ANO6: variants seen among roughly 807,000 people sequenced by gnomAD.
ANO6 encodes the protein anoctamin 6.
ANO6 carries 106 observed loss-of-function variants against 117.5 expected under a neutral mutation model. The ratio of observed to expected loss-of-function variants is 0.90; its 90% CI spans 0.77 to 1.06. The LOEUF (loss-of-function observed/expected upper bound fraction) is 1.06. ANO6 is among the 50% of genes least tolerant of loss of function. ANO6 has a pLI of 0.00. For synonymous variants in ANO6, 367 were observed against 385.1 expected (o/e 0.95, Z 0.55); for missense variants, 955 against 1,121.1 (o/e 0.85, Z 2.12).
intron 1 of ANO6, among the ~76,000 whole-genome samples, chr12:45,216,810 G>T (rs1269128808): frequency 6.6e-6 from 1 of 152,214 alleles, no homozygotes; most frequent in Non-Finnish European, 1.5e-5. Context: ...GCATTTGGAG[G>T]ACAGGGTGTG....
At chr12:45,264,290 C>CT (rs1214038121) in intron 1 of ANO6, among the ~76,000 whole-genome samples, 1 of 152,212 alleles carries the variant, frequency 6.6e-6, no homozygotes, top group African/African-American at 2.4e-5. Context: ...TATGTCTTGG[C>CT]TAATGCCTGT....
intron 1 of ANO6, among the ~76,000 whole-genome samples, chr12:45,258,633 C>T (rs1357339509): frequency 6.6e-6 from 1 of 152,108 alleles, no homozygotes; most frequent in Non-Finnish European, 1.5e-5. Context: ...GATTCTGCTG[C>T]ATGCCTTGCT....
chr12:45,360,622 C>G (rs908928561), intron 8 of ANO6, among the ~76,000 whole-genome samples: 1 of 152,182 alleles, frequency 6.6e-6, no homozygotes, highest in Admixed American at 6.5e-5. Flanking sequence ...TTGATGATCT[C>G]CAGTTTACCT....
chr12:45,333,205 T>G (rs928935782), intron 3 of ANO6, among the ~76,000 whole-genome samples: 2 of 152,074 alleles, frequency 1.3e-5, no homozygotes, highest in Non-Finnish European at 1.5e-5. Context: ...TCATAAATTT[T>G]AATTCTTGTA....
chr12:45,255,729 G>GT (rs1029534918), intron 1 of ANO6, among the ~76,000 whole-genome samples: 1 of 151,252 alleles, frequency 6.6e-6, no homozygotes, highest in Non-Finnish European at 1.5e-5. Flanking sequence ...GGCAGTGCTT[G>GT]TTAAGAGGGG....
At chr12:45,433,046 A>C (rs552427577), downstream of ANO6, among the ~76,000 whole-genome samples, 36 of 152,350 alleles carry the variant, frequency 2.4e-4, no homozygotes, top group South Asian at 7.3e-3. Flanking sequence ...CAATTGGCCC[A>C]ATATGACCAG....
At chr12:45,294,145 C>T (rs1433012470) in intron 1 of ANO6, among the ~76,000 whole-genome samples, 2 of 151,970 alleles carry the variant, frequency 1.3e-5, no homozygotes, top group East Asian at 3.9e-4. Flanking sequence ...TAGTGACTTA[C>T]CAAAATATTG....
At chr12:45,224,910 G>T (rs1186461774) in intron 1 of ANO6, among the ~76,000 whole-genome samples, 1 of 152,170 alleles carries the variant, frequency 6.6e-6, no homozygotes, top group Admixed American at 6.5e-5. Flanking sequence ...GAAATAAAGG[G>T]CCGGACATGA....
rs74803777 is a variant in ANO6 at position 45,365,038 on chromosome 12, A to G, written c.999-2650A>G. On this transcript the variant is annotated intron_variant, in intron 8 of 19. Coordinates refer to ENST00000320560, the MANE Select transcript of ANO6 (RefSeq NM_001025356.3). ...GTGTGACCACTTAAGTCTGTGTTCAATAAGTTTTGTTGTTAGCTAATGATT... is the reference window on the plus strand; with the variant it reads ...GTGTGACCACTTAAGTCTGTGTTCAGTAAGTTTTGTTGTTAGCTAATGATT... Among the ~76,000 whole-genome samples the G allele has an allele frequency of 9.5e-3, 1,441 of 152,302 alleles. 27 individuals are homozygous for G. The highest frequency in any genetic ancestry group is 0.033 in the African/African-American group (1,353 of 41,558).
At chr12:45,307,057 C>A (rs578248014) in intron 2 of ANO6, among the ~76,000 whole-genome samples, 1 of 152,042 alleles carries the variant, frequency 6.6e-6, no homozygotes, top group South Asian at 2.1e-4. Flanking sequence ...AATGAAAGAT[C>A]GAGAGAATAA....
intron 3 of ANO6, among the ~76,000 whole-genome samples, chr12:45,339,756 T>G (rs1012751267): frequency 3.3e-5 from 5 of 152,106 alleles, no homozygotes; most frequent in African/African-American, 9.7e-5. Context: ...GTAATTAGAC[T>G]AATTTTTTTT....
At chr12:45,439,726 T>C in exon 20 of ANO6, 1 of 1,544,234 alleles carries the variant, frequency 6.5e-7, no homozygotes, top group South Asian at 1.2e-5. Context: ...CTTGGCTCAC[T>C]GCAACCTCCG....
chr12:45,300,239 C>G (rs894396129), intron 1 of ANO6, among the ~76,000 whole-genome samples: 3 of 152,166 alleles, frequency 2.0e-5, no homozygotes, highest in African/African-American at 7.2e-5. Flanking sequence ...TAGAGTGCAG[C>G]TGCATGATCA....
intron 2 of ANO6, among the ~76,000 whole-genome samples, chr12:45,307,430 G>T (rs1178777594): frequency 6.6e-6 from 1 of 152,182 alleles, no homozygotes; most frequent in Non-Finnish European, 1.5e-5. Context: ...GAGCAGTCAA[G>T]GAATGACTCT....
intron 2 of ANO6, among the ~76,000 whole-genome samples, chr12:45,319,679 T>G (rs1042118591): frequency 2.8e-4 from 42 of 152,320 alleles, no homozygotes; most frequent in African/African-American, 9.1e-4. Context: ...TTGGAATAGT[T>G]TCAGAAGGAA....
intron 16 of ANO6, among the ~76,000 whole-genome samples, chr12:45,412,612 T>C (rs1943114388): frequency 6.6e-6 from 1 of 152,206 alleles, no homozygotes; most frequent in African/African-American, 2.4e-5. Context: ...TCACCTGCCA[T>C]GAAGTCTCCT....
chr12:45,400,167 A>G (rs1942745068), intron 12 of ANO6, among the ~76,000 whole-genome samples: 1 of 152,230 alleles, frequency 6.6e-6, no homozygotes, highest in South Asian at 2.1e-4. Context: ...AAAGAGAGAT[A>G]ATATTATACT....
intron 1 of ANO6, among the ~76,000 whole-genome samples, chr12:45,238,670 T>C (rs1014953033): frequency 2.8e-4 from 42 of 152,220 alleles, no homozygotes; most frequent in African/African-American, 9.6e-4. Flanking sequence ...TGATATTGGC[T>C]GTGGGTTTGT....
Position 45,401,809 on chromosome 12 carries a change from C to T in ANO6, c.1401C>T (p.Ile467=), listed in dbSNP as rs753739050. The T allele has an allele frequency of 1.7e-5, 27 of 1,612,738 alleles. No individual in the cohort carries two copies. The Admixed American group carries it at 3.5e-4, about 21-fold the overall frequency. The part of the protein sequence containing the change: ...SAVFFWILLI[I]ASVIGIIVYR... ...TGTGCTTTCAGATCCTATTGATCAT[C>T]GCTTCAGTTATTGGGATCATTGTCT... The change falls in exon 13 of 20, where the codon ATC becomes ATT. Residue 467 remains isoleucine, a synonymous_variant. Coordinates refer to ENST00000320560, the MANE Select transcript of ANO6 (RefSeq NM_001025356.3).
Sources: gnomAD v4.1 joint callset for allele counts (sites outside exome capture counted in the v4.1 genomes callset) on GRCh38, gnomAD v4.1.1 for gene constraint, MANE v1.5 for transcripts, NCBI Gene and HGNC (gene_info 2026-07-23, HGNC 2026-07-21) for gene names.